The following SRP54 variants were observed in gnomAD, a reference collection of about 807,000 sequenced individuals.
SRP54 encodes the protein signal recognition particle 54.
Under a neutral mutation model 64.8 loss-of-function variants are expected in SRP54, and 10 were observed. The ratio of observed to expected loss-of-function variants is 0.15; its 90% CI spans 0.10 to 0.26. The LOEUF (loss-of-function observed/expected upper bound fraction) is 0.26, where lower values mean the gene tolerates loss of function less well. SRP54 is among the 10% of genes least tolerant of loss of function. SRP54 has a pLI of 1.00. For missense variants in SRP54, 325 were observed against 613.7 expected (o/e 0.53, Z 4.97); for synonymous variants, 193 against 185.6 (o/e 1.04, Z -0.32).
chr14:34,998,273 G>A (rs1453977241), intron 2 of SRP54, among the ~76,000 whole-genome samples: 1 of 152,154 alleles, frequency 6.6e-6, no homozygotes, highest in Admixed American at 6.5e-5. Flanking sequence ...ACCTCATAGA[G>A]TTTACATTCT....
chr14:35,013,979 C>A, intron 10 of SRP54, 77 bp downstream of exon 10: 1 of 1,028,240 alleles, frequency 9.7e-7, no homozygotes, highest in Non-Finnish European at 1.5e-6. Flanking sequence ...GATTTTAATT[C>A]TGTCCTCACT....
intron 7 of SRP54, among the ~76,000 whole-genome samples, chr14:35,009,306 G>A (rs901513798): frequency 8.5e-5 from 11 of 128,802 alleles, no homozygotes; most frequent in Non-Finnish European, 1.2e-4. Flanking sequence ...TCAGCCTCCC[G>A]AAGGGCTGGG....
intron 10 of SRP54, among the ~76,000 whole-genome samples, chr14:35,014,444 ATTTTT>A (rs1037327684): frequency 2.0e-5 from 3 of 150,692 alleles, no homozygotes; most frequent in Admixed American, 6.6e-5. Context: ...GGTCCAGCTA[ATTTTT>A]TTTTATTTTT....
chr14:35,027,252 A>C (rs562613027), intron 14 of SRP54, among the ~76,000 whole-genome samples: 1 of 151,814 alleles, frequency 6.6e-6, no homozygotes, highest in Admixed American at 6.6e-5. Flanking sequence ...CTGGTCTCGA[A>C]CTCCTGACCT....
intron 1 of SRP54, among the ~76,000 whole-genome samples, chr14:34,993,069 A>C (rs1342765166): frequency 6.6e-6 from 1 of 152,168 alleles, no homozygotes; most frequent in Non-Finnish European, 1.5e-5. Flanking sequence ...CATGTTGGCT[A>C]GACTGGTCTT....
intron 11 of SRP54, among the ~76,000 whole-genome samples, chr14:35,015,176 A>C (rs1022450285): frequency 5.3e-5 from 8 of 152,178 alleles, no homozygotes; most frequent in Non-Finnish European, 1.0e-4. Flanking sequence ...TCCTGGGTTC[A>C]AGTGATTCTC....
intron 10 of SRP54, among the ~76,000 whole-genome samples, chr14:35,014,119 A>T (rs2044398747): frequency 6.6e-6 from 1 of 152,110 alleles, no homozygotes; most frequent in Non-Finnish European, 1.5e-5. Flanking sequence ...GAAAAGTTTT[A>T]GAGCACAGTA....
chr14:34,997,350 C>T (rs1366514552), intron 2 of SRP54, among the ~76,000 whole-genome samples: 2 of 152,048 alleles, frequency 1.3e-5, no homozygotes, highest in Admixed American at 1.3e-4. Flanking sequence ...TTCCATTTGT[C>T]CCCCACAGAT....
chr14:35,014,934 A>G, intron 11 of SRP54, 104 bp downstream of exon 11: 2 of 729,654 alleles, frequency 2.7e-6, no homozygotes, highest in Non-Finnish European at 2.3e-6. Flanking sequence ...TTAGAGTCAG[A>G]TCTTCCACTG....
chr14:34,988,891 C>G (rs1191000588), intron 1 of SRP54, among the ~76,000 whole-genome samples: 2 of 151,904 alleles, frequency 1.3e-5, no homozygotes, highest in African/African-American at 4.8e-5. Context: ...GACCTATGCA[C>G]ATCCTTCCAT....
Position 34,999,538 on chromosome 14 carries a change from A to G in SRP54, c.79-20A>G, listed in dbSNP as rs764876794. ...TGAAACATTGGGTGCTTTAAATTTC[A>G]TTTATTTCTTTATTTTCAGGTATTG... On this transcript the variant is annotated intron_variant, in intron 2 of 15. Transcript: ENST00000216774. 1.9e-6 allele frequency: 3 copies of G among 1,582,818 alleles called. No homozygotes were observed. Among genetic ancestry groups the G allele is most frequent in the South Asian group, 2.2e-5 (2 of 89,588 alleles).
intron 4 of SRP54, among the ~76,000 whole-genome samples, chr14:35,003,566 T>A (rs1188625099): frequency 1.8e-5 from 2 of 110,656 alleles, no homozygotes; most frequent in African/African-American, 6.0e-5. Context: ...TTTTTTGGTT[T>A]TTTTGGTTTT....
At chr14:35,016,594 C>T (rs538600458) in intron 11 of SRP54, among the ~76,000 whole-genome samples, 1 of 152,296 alleles carries the variant, frequency 6.6e-6, no homozygotes, top group African/African-American at 2.4e-5. Context: ...TCACCTGAAC[C>T]CTAGACTGAG....
At chr14:35,023,812 A>ACG (rs928654450) in intron 14 of SRP54, among the ~76,000 whole-genome samples, 3 of 151,506 alleles carry the variant, frequency 2.0e-5, no homozygotes, top group Non-Finnish European at 2.9e-5. Context: ...ACACACACAC[A>ACG]CACACACACA....
rs1384552218 is a variant in SRP54 at position 34,988,578 on chromosome 14, A to AAAAAAAATATATATAT, written c.-34+5364_-34+5365insAAAAAATATATATATA. The stretch of plus-strand genomic sequence containing the variant: ...TCCATCTCAAAAAAAAAAAAAAAAA[A>AAAAAAAATATATATAT]ATATATATATATATATAACATATAT... On this transcript the variant is annotated intron_variant, in intron 1 of 15. Coordinates refer to ENST00000216774, the MANE Select transcript of SRP54 (RefSeq NM_003136.4). 1.9e-4 allele frequency among the ~76,000 whole-genome samples: 9 copies of AAAAAAAATATATATAT among 47,072 alleles called. 1 individual carries two copies. The highest frequency in any genetic ancestry group is 1.9e-4 in the Non-Finnish European group (4 of 20,850). 30.9% of individuals were successfully genotyped at this position (47,072 alleles called of 152,430 possible).
At chr14:35,007,495 A>G (rs2044275776) in intron 5 of SRP54, 108 bp downstream of exon 5, 1 of 311,462 alleles carries the variant, frequency 3.2e-6, no homozygotes, top group Non-Finnish European at 5.6e-6. Flanking sequence ...ATGTTGAAAT[A>G]TATATTTTAT....
At chr14:35,009,814 G>A (rs927311004) in intron 7 of SRP54, among the ~76,000 whole-genome samples, 3 of 151,948 alleles carry the variant, frequency 2.0e-5, no homozygotes, top group Admixed American at 2.0e-4. Context: ...GATTGCTTGA[G>A]CCCAGAAGTT....
At chr14:34,996,171 C>A (rs2044070798) in intron 1 of SRP54, among the ~76,000 whole-genome samples, 1 of 151,890 alleles carries the variant, frequency 6.6e-6, no homozygotes, top group South Asian at 2.1e-4. Context: ...TTCGATATAG[C>A]TGATAGCTGA....
intron 1 of SRP54, 48 bp from the exon 2 acceptor site, chr14:34,996,629 A>C: frequency 1.1e-6 from 1 of 942,750 alleles, no homozygotes; most frequent in South Asian, 1.3e-5. Flanking sequence ...CTCTTCAGTC[A>C]TGGGAAGTGA....
Sources: gnomAD v4.1 joint callset for allele counts (sites outside exome capture counted in the v4.1 genomes callset) on GRCh38, gnomAD v4.1.1 for gene constraint, MANE v1.5 for transcripts, NCBI Gene and HGNC (gene_info 2026-07-23, HGNC 2026-07-21) for gene names.